RASSF8: variants seen among roughly 807,000 people sequenced by gnomAD.
The protein encoded by RASSF8 is Ras association domain family member 8.
A neutral mutation model predicts 48.5 loss-of-function variants in RASSF8; 22 were observed. The observed-to-expected ratio is 0.45, with a 90% CI of 0.32 to 0.65. The LOEUF is 0.65. Ranked by LOEUF, RASSF8 falls within the 30% of genes least tolerant of loss-of-function variation. The probability of loss-of-function intolerance (pLI) is 0.03; values close to 1 mark genes in which losing one functional copy is unlikely to be tolerated. For synonymous variants in RASSF8, 127 were observed against 171.5 expected (o/e 0.74, Z 2.03); for missense variants, 418 against 489.2 (o/e 0.85, Z 1.37).
In RASSF8 at chr12:26,071,034, T is replaced by C. The variant is rs1414930754; in HGVS notation, c.*2216T>C. 2.0e-6 allele frequency: 2 copies of C among 985,004 alleles called. No homozygotes were observed. The highest frequency in any genetic ancestry group is 2.4e-6 in the Non-Finnish European group (2 of 829,694). The allele number at this position is 985,004 out of a possible 1,614,324, so 61.0% of individuals were successfully genotyped here. ...AGAATTTCCAAGCTGCCAAATAATC[T>C]TCATAGACCTAATTACAGATTTAAA... On this transcript the variant is annotated 3_prime_UTR_variant, in exon 6 of 6. Coordinates refer to ENST00000689635, the MANE Select transcript of RASSF8 (RefSeq NM_001394098.1).
rs57041013 is a variant in RASSF8 at position 25,986,926 on chromosome 12, T to TGTTTGTTTG, written c.-202-8111_-202-8110insGTTTGTTTG. ...GCAGGATTGAACTACCGTTTTTTTTTTTTGTTTGTTTGTTTGTTTGTTTGT... is the reference window on the plus strand; with the variant it reads ...GCAGGATTGAACTACCGTTTTTTTTTGTTTGTTTGTTTGTTTGTTTGTTTGTTTGTTTGT... On this transcript the variant is annotated intron_variant, in intron 1 of 5. Coordinates refer to ENST00000689635, the MANE Select transcript of RASSF8 (RefSeq NM_001394098.1). Among the ~76,000 whole-genome samples, 523 of 146,698 alleles carry TGTTTGTTTG rather than the reference T, an allele frequency of 3.6e-3. 1 individual carries two copies. Among genetic ancestry groups the TGTTTGTTTG allele is most frequent in the Non-Finnish European group, 5.2e-3 (350 of 66,932 alleles).
At chr12:26,006,884 G>A (rs1181681742) in intron 2 of RASSF8, among the ~76,000 whole-genome samples, 1 of 152,078 alleles carries the variant, frequency 6.6e-6, no homozygotes, top group Non-Finnish European at 1.5e-5. Flanking sequence ...GTTCATTTTG[G>A]GTTGCTATAG....
intron 2 of RASSF8, among the ~76,000 whole-genome samples, chr12:26,012,723 C>T (rs1484428067): frequency 6.7e-6 from 1 of 148,934 alleles, no homozygotes; most frequent in Non-Finnish European, 1.5e-5. Context: ...CTCTGTTGCC[C>T]AGGCTAGAGT....
At chr12:25,985,989 TA>T (rs773178791) in intron 1 of RASSF8, among the ~76,000 whole-genome samples, 10 of 152,348 alleles carry the variant, frequency 6.6e-5, no homozygotes, top group Non-Finnish European at 1.2e-4. Flanking sequence ...TTAACATACA[TA>T]AAGTACTTTG....
chr12:26,003,988 G>A (rs57791860), intron 2 of RASSF8, among the ~76,000 whole-genome samples: 18,800 of 152,012 alleles, frequency 0.12, 1,550 homozygotes, highest in Admixed American at 0.19. Context: ...ACCAGACAGG[G>A]CAACATGGTG....
At position 25,995,125 on chromosome 12, in the gene RASSF8, G is replaced by C. The variant is rs1185195005; in HGVS notation, c.-114G>C. ...CTCACTGGCTCGGAGACTCCTGCCT[G>C]CTGAGGTGAGTGGTGCTGAGGTGTA... On this transcript the variant is annotated 5_prime_UTR_variant, in exon 2 of 6. Coordinates refer to ENST00000689635, the MANE Select transcript of RASSF8 (RefSeq NM_001394098.1). The C allele has an allele frequency of 6.6e-6, 1 of 152,236 alleles. No individual in the cohort carries two copies. Among genetic ancestry groups the C allele is most frequent in the Non-Finnish European group, 1.5e-5 (1 of 68,124 alleles). 9.4% of individuals were successfully genotyped at this position (152,236 alleles called of 1,614,324 possible). A position where few individuals can be genotyped will look rare whatever the true frequency, so the allele number is the denominator to read the frequency against.
chr12:26,046,139 T>C (rs1024698786), intron 2 of RASSF8, among the ~76,000 whole-genome samples: 1 of 152,214 alleles, frequency 6.6e-6, no homozygotes, highest in African/African-American at 2.4e-5. Context: ...TAAGTCTGAT[T>C]TGAACACCAC....
chr12:26,061,786 A>G (rs1208768687), intron 3 of RASSF8, among the ~76,000 whole-genome samples: 1 of 152,112 alleles, frequency 6.6e-6, no homozygotes, highest in Non-Finnish European at 1.5e-5. Flanking sequence ...AATATTTAAA[A>G]CCCAATTTAT....
chr12:26,019,323 T>C (rs1312056815), intron 2 of RASSF8, among the ~76,000 whole-genome samples: 1 of 152,154 alleles, frequency 6.6e-6, no homozygotes, highest in Non-Finnish European at 1.5e-5. Context: ...AGTTCAAATA[T>C]ATTTTGAGAA....
rs76094024 is a variant in RASSF8 at position 25,996,675 on chromosome 12, G to T, written c.-109+1545G>T. On this transcript the variant is annotated intron_variant, in intron 2 of 5. Coordinates refer to ENST00000689635, the MANE Select transcript of RASSF8 (RefSeq NM_001394098.1). The stretch of plus-strand genomic sequence containing the variant: ...CTTTAATTTTGATCCTTGACTTACA[G>T]TACAAAGAGACGCCTTTAGCTTACT... 2.4e-3 allele frequency among the ~76,000 whole-genome samples: 364 copies of T among 152,264 alleles called. 2 individuals carry two copies. The highest frequency in any genetic ancestry group is 4.3e-3 in the Non-Finnish European group (292 of 67,994).
At chr12:25,983,588 C>T (rs7310724) in intron 1 of RASSF8, among the ~76,000 whole-genome samples, 8,474 of 152,022 alleles carry the variant, frequency 0.056, 351 homozygotes, top group African/African-American at 0.12. Flanking sequence ...CAATGGGTTA[C>T]GACCATAGTT....
chr12:25,983,094 C>A (rs1380267751), intron 1 of RASSF8, among the ~76,000 whole-genome samples: 6 of 152,058 alleles, frequency 3.9e-5, no homozygotes. Flanking sequence ...AACAAGGCAT[C>A]ATCGATAGAA....
chr12:25,992,262 C>T (rs1467434299), intron 1 of RASSF8, among the ~76,000 whole-genome samples: 1 of 152,162 alleles, frequency 6.6e-6, no homozygotes, highest in African/African-American at 2.4e-5. Flanking sequence ...AGTGTCTCTG[C>T]CCTCAAGAAG....
chr12:26,037,546 A>G (rs1399079907), intron 2 of RASSF8, among the ~76,000 whole-genome samples: 1 of 152,176 alleles, frequency 6.6e-6, no homozygotes, highest in Non-Finnish European at 1.5e-5. Flanking sequence ...ATTTTTAAAC[A>G]TTTTATTACC....
chr12:26,039,813 G>T (rs1305633722), intron 2 of RASSF8, among the ~76,000 whole-genome samples: 2 of 152,184 alleles, frequency 1.3e-5, no homozygotes, highest in African/African-American at 2.4e-5. Flanking sequence ...TTTTTGAGTG[G>T]ATCTGTTTAA....
At chr12:25,994,501 A>G (rs1354368683) in intron 1 of RASSF8, among the ~76,000 whole-genome samples, 6 of 152,194 alleles carry the variant, frequency 3.9e-5, no homozygotes, top group Non-Finnish European at 8.8e-5. Context: ...AAAATGGTCA[A>G]AAGAAATGGT....
intron 2 of RASSF8, among the ~76,000 whole-genome samples, chr12:26,009,571 G>A (rs1406668576): frequency 5.9e-5 from 9 of 152,298 alleles, no homozygotes; most frequent in Admixed American, 5.9e-4. Context: ...GATAGAAATA[G>A]AGAGGAGGAG....
At chr12:26,074,383 C>G (rs983644844), downstream of RASSF8, among the ~76,000 whole-genome samples, 4 of 152,098 alleles carry the variant, frequency 2.6e-5, no homozygotes, top group Non-Finnish European at 5.9e-5. Flanking sequence ...CCCATTGTCG[C>G]CCAGGCTGGA....
intron 2 of RASSF8, among the ~76,000 whole-genome samples, chr12:26,035,209 T>C (rs1213065078): frequency 2.0e-5 from 3 of 151,998 alleles, no homozygotes; most frequent in Non-Finnish European, 4.4e-5. Context: ...TTGTAGGGTT[T>C]AGTGATAGCT....
Sources: allele counts gnomAD v4.1 joint callset (sites outside exome capture counted in the v4.1 genomes callset), GRCh38; gene constraint gnomAD v4.1.1; transcripts MANE v1.5; gene names NCBI Gene and HGNC (gene_info 2026-07-23, HGNC 2026-07-21).